NELL1: variants seen among roughly 807,000 people sequenced by gnomAD.
The protein encoded by NELL1 is protein kinase C-binding protein NELL1.
A neutral mutation model predicts 107.4 loss-of-function variants in NELL1; 76 were observed. The observed-to-expected ratio is 0.71, with a 90% CI of 0.59 to 0.86. NELL1 has a LOEUF of 0.86. Ranked by LOEUF, NELL1 falls within the 40% of genes least tolerant of loss-of-function variation. The pLI is 0.00. For missense variants in NELL1, 1,024 were observed against 1,005.5 expected, an observed-to-expected ratio of 1.02 and a Z score of -0.25; for synonymous variants, 353 against 341.2, an observed-to-expected ratio of 1.03 and a Z score of -0.38.
intron 13 of NELL1, among the ~76,000 whole-genome samples, chr11:21,153,056 G>A (rs1280246785): frequency 3.9e-5 from 6 of 152,112 alleles, no homozygotes; most frequent in Non-Finnish European, 8.8e-5. Flanking sequence ...TCCTGTTTAT[G>A]CAGATGGCAT....
chr11:20,676,807 C>T (rs760465707), intron 1 of NELL1, among the ~76,000 whole-genome samples: 1 of 152,200 alleles, frequency 6.6e-6, no homozygotes, highest in Non-Finnish European at 1.5e-5. Context: ...TCAGTGACTG[C>T]ATTACCATCA....
At chr11:21,330,203 A>G (rs1425737896) in intron 14 of NELL1, among the ~76,000 whole-genome samples, 1 of 152,128 alleles carries the variant, frequency 6.6e-6, no homozygotes, top group Non-Finnish European at 1.5e-5. Context: ...TAGGCTTAAC[A>G]ATACAAATGC....
chr11:21,431,620 A>G (rs1165792416), intron 15 of NELL1, among the ~76,000 whole-genome samples: 1 of 152,224 alleles, frequency 6.6e-6, no homozygotes, highest in Non-Finnish European at 1.5e-5. Context: ...TAGTTTTCAC[A>G]AAATTAATGT....
chr11:20,723,773 C>T (rs887600612), intron 2 of NELL1, among the ~76,000 whole-genome samples: 3 of 152,162 alleles, frequency 2.0e-5, no homozygotes, highest in African/African-American at 7.2e-5. Context: ...CCACACTGGC[C>T]TAGCAGAGGT....
At chr11:21,161,407 C>T (rs1257271520) in intron 13 of NELL1, among the ~76,000 whole-genome samples, 1 of 152,082 alleles carries the variant, frequency 6.6e-6, no homozygotes, top group Non-Finnish European at 1.5e-5. Context: ...TGTAGTGGCG[C>T]ACGCCGGTAA....
At chr11:21,462,822 A>T (rs1046454510) in intron 15 of NELL1, among the ~76,000 whole-genome samples, 4 of 152,044 alleles carry the variant, frequency 2.6e-5, no homozygotes, top group Admixed American at 6.6e-5. Flanking sequence ...AACTTGTTCA[A>T]ATTTTGAGTA....
intron 3 of NELL1, among the ~76,000 whole-genome samples, chr11:20,784,137 A>G (rs1856907035): frequency 6.6e-6 from 1 of 152,252 alleles, no homozygotes; most frequent in Non-Finnish European, 1.5e-5. Flanking sequence ...ACAACCTTCA[A>G]TAAACATTTA....
At chr11:20,729,374 T>A (rs749181618) in intron 2 of NELL1, among the ~76,000 whole-genome samples, 2 of 152,210 alleles carry the variant, frequency 1.3e-5, no homozygotes, top group African/African-American at 4.8e-5. Flanking sequence ...TGAGCTTTAT[T>A]ATCTTGTGAC....
At chr11:20,979,824 A>G (rs968056119) in intron 12 of NELL1, among the ~76,000 whole-genome samples, 1 of 152,196 alleles carries the variant, frequency 6.6e-6, no homozygotes, top group Non-Finnish European at 1.5e-5. Context: ...TTACATGACC[A>G]GGTTGAGGCT....
chr11:21,473,849 A>G (rs1416346978), intron 15 of NELL1, among the ~76,000 whole-genome samples: 2 of 152,140 alleles, frequency 1.3e-5, no homozygotes, highest in Non-Finnish European at 2.9e-5. Flanking sequence ...TAAAGAGAAC[A>G]AAATATCCGT....
intron 12 of NELL1, among the ~76,000 whole-genome samples, chr11:21,100,244 C>A (rs1854771421): frequency 6.6e-6 from 1 of 152,142 alleles, no homozygotes; most frequent in South Asian, 2.1e-4. Flanking sequence ...TGTCTAAATC[C>A]TGAGCTCAGG....
intron 15 of NELL1, among the ~76,000 whole-genome samples, chr11:21,476,881 C>CCA (rs1854349334): frequency 6.6e-6 from 1 of 152,158 alleles, no homozygotes; most frequent in African/African-American, 2.4e-5. Flanking sequence ...CAGAACACAG[C>CCA]TGGTGTTCAT....
intron 15 of NELL1, among the ~76,000 whole-genome samples, chr11:21,452,536 T>C (rs556684555): frequency 5.9e-5 from 9 of 152,240 alleles, no homozygotes; most frequent in African/African-American, 2.2e-4. Context: ...GTAGTTGTAA[T>C]CTGTGTGCTC....
chr11:21,285,418 G>A (rs115217508), intron 14 of NELL1, among the ~76,000 whole-genome samples: 43 of 152,236 alleles, frequency 2.8e-4, no homozygotes, highest in African/African-American at 8.9e-4. Flanking sequence ...AATAAACTTT[G>A]CCTAAAAAAT....
chr11:21,275,852 G>A (rs970148389), intron 14 of NELL1, among the ~76,000 whole-genome samples: 2 of 152,062 alleles, frequency 1.3e-5, no homozygotes, highest in Admixed American at 6.5e-5. Context: ...ATTCAACAAC[G>A]CTTCATCCTA....
At chr11:21,314,000 C>G (rs1015208519) in intron 14 of NELL1, among the ~76,000 whole-genome samples, 7 of 97,032 alleles carry the variant, frequency 7.2e-5, no homozygotes, top group East Asian at 8.3e-4. Context: ...CTGCCCCCCC[C>G]CCCCCCCCCG....
intron 14 of NELL1, among the ~76,000 whole-genome samples, chr11:21,332,052 G>A (rs1850283900): frequency 6.6e-6 from 1 of 152,012 alleles, no homozygotes; most frequent in Admixed American, 6.6e-5. Flanking sequence ...TATTTCTATA[G>A]ATGGTCTTTC....
At chr11:21,062,276 T>C (rs937420930) in intron 12 of NELL1, among the ~76,000 whole-genome samples, 1 of 152,216 alleles carries the variant, frequency 6.6e-6, no homozygotes, top group Admixed American at 6.5e-5. Context: ...AAATATATAA[T>C]GAACATTAGC....
At chr11:21,008,713 G>A (rs773832354) in intron 12 of NELL1, among the ~76,000 whole-genome samples, 10 of 152,048 alleles carry the variant, frequency 6.6e-5, no homozygotes, top group Non-Finnish European at 1.0e-4. Context: ...AAGAATGAGG[G>A]GCAGGTGAAG....
Sources: gnomAD v4.1 joint callset for allele counts (sites outside exome capture counted in the v4.1 genomes callset) on GRCh38, gnomAD v4.1.1 for gene constraint, MANE v1.5 for transcripts, NCBI Gene and HGNC (gene_info 2026-07-23, HGNC 2026-07-21) for gene names.